The following NECAB1 variants were observed in gnomAD, a reference collection of about 807,000 sequenced individuals.
NECAB1 encodes the protein N-terminal EF-hand calcium binding protein 1, also known as N-terminal EF-hand calcium-binding protein 1.
Under a neutral mutation model 57.5 loss-of-function variants are expected in NECAB1, and 29 were observed. That is an observed-to-expected ratio of 0.50 (90% CI 0.38 to 0.69). The LOEUF is 0.69. Ranked by LOEUF, NECAB1 falls within the 30% of genes least tolerant of loss-of-function variation. The pLI is 0.00. For synonymous variants in NECAB1, 142 were observed against 147.7 expected (o/e 0.96, Z 0.28); for missense variants, 372 against 413.8 (o/e 0.90, Z 0.88).
At chr8:90,882,639 C>G (rs1371542585) in intron 5 of NECAB1, among the ~76,000 whole-genome samples, 1 of 151,968 alleles carries the variant, frequency 6.6e-6, no homozygotes, top group Admixed American at 6.6e-5. Flanking sequence ...CTTCTCTGAC[C>G]ACTCTATCTA....
chr8:90,874,195 C>G (rs1808672485), intron 4 of NECAB1, among the ~76,000 whole-genome samples: 1 of 152,024 alleles, frequency 6.6e-6, no homozygotes, highest in Non-Finnish European at 1.5e-5. Flanking sequence ...CAATTCACAC[C>G]CAGCACAAAT....
At chr8:90,862,591 T>C (rs1330312547) in intron 3 of NECAB1, among the ~76,000 whole-genome samples, 1 of 152,134 alleles carries the variant, frequency 6.6e-6, no homozygotes, top group African/African-American at 2.4e-5. Context: ...ATGCAGGCTA[T>C]TGAAGGAATA....
chr8:90,940,931 T>C, intron 10 of NECAB1, 33 bp downstream of exon 10: 1 of 1,469,146 alleles, frequency 6.8e-7, no homozygotes, highest in Non-Finnish European at 9.3e-7. Flanking sequence ...CTTAGGCCTT[T>C]GGCAGCCTGG....
In NECAB1 at chr8:90,941,101, G is replaced by A. The variant is rs114015717; in HGVS notation, c.860+203G>A. On this transcript the variant is annotated intron_variant, in intron 10 of 12. Transcript: ENST00000417640. ...CTCTTTAATCTTTAAACCCCGTGTCGTCTAATCTTTAAACCCCGTGTCGTC... is the reference window on the plus strand; with the variant it reads ...CTCTTTAATCTTTAAACCCCGTGTCATCTAATCTTTAAACCCCGTGTCGTC... 1.7e-3 allele frequency among the ~76,000 whole-genome samples: 265 copies of A among 152,280 alleles called. 1 individual carries two copies. The highest frequency in any genetic ancestry group is 6.0e-3 in the African/African-American group (251 of 41,534).
intron 8 of NECAB1, among the ~76,000 whole-genome samples, chr8:90,931,906 A>AAAAATAAAAT (rs10635579): frequency 3.3e-5 from 5 of 151,418 alleles, no homozygotes; most frequent in South Asian, 2.1e-4. Flanking sequence ...TCCATCTCAA[A>AAAAATAAAAT]AAAATAAAAT....
chr8:90,874,793 C>G (rs528076017), intron 4 of NECAB1, among the ~76,000 whole-genome samples: 1 of 152,278 alleles, frequency 6.6e-6, no homozygotes, highest in South Asian at 2.1e-4. Context: ...TATTCTCACA[C>G]TCACGTTCAA....
intron 1 of NECAB1, among the ~76,000 whole-genome samples, chr8:90,793,830 A>G (rs1247439043): frequency 6.6e-6 from 1 of 152,182 alleles, no homozygotes; most frequent in Non-Finnish European, 1.5e-5. Context: ...CACAAATGGA[A>G]AGTCATCCTC....
chr8:90,819,317 T>C (rs2129693124), intron 2 of NECAB1, among the ~76,000 whole-genome samples: 1 of 152,124 alleles, frequency 6.6e-6, no homozygotes, highest in African/African-American at 2.4e-5. Context: ...GCATGTTTTG[T>C]CTCTTCAGAC....
At chr8:90,945,533 T>TA (rs1265998025) in intron 10 of NECAB1, among the ~76,000 whole-genome samples, 1 of 152,084 alleles carries the variant, frequency 6.6e-6, no homozygotes, top group Non-Finnish European at 1.5e-5. Context: ...CGAAATAAAT[T>TA]AGTGACCCAC....
chr8:90,822,324 G>A (rs1812155966), intron 2 of NECAB1, among the ~76,000 whole-genome samples: 1 of 151,786 alleles, frequency 6.6e-6, no homozygotes, highest in African/African-American at 2.4e-5. Context: ...TTTAAAAAAT[G>A]TAATACTTTT....
intron 5 of NECAB1, among the ~76,000 whole-genome samples, chr8:90,898,529 C>T (rs1809419054): frequency 6.6e-6 from 1 of 152,174 alleles, no homozygotes; most frequent in Admixed American, 6.5e-5. Flanking sequence ...AGTAGCAGCT[C>T]CAAGTGAGTT....
At chr8:90,943,293 A>G (rs1479946229) in intron 10 of NECAB1, among the ~76,000 whole-genome samples, 1 of 152,220 alleles carries the variant, frequency 6.6e-6, no homozygotes, top group Admixed American at 6.5e-5. Flanking sequence ...ATAGATTTTC[A>G]GCCTCTCTGT....
In NECAB1 at chr8:90,925,746, A is replaced by G. The variant is rs897091585; in HGVS notation, c.616+90A>G. 2.0e-6 allele frequency: 3 copies of G among 1,503,828 alleles called. No homozygotes were observed. In the African/African-American group the frequency reaches 4.1e-5, roughly 21 times the overall value. The allele number at this position is 1,503,828 out of a possible 1,614,324, so 93.2% of individuals were successfully genotyped here. ...ATTTTAACAAACAACAGATAAGACA[A>G]TAGTAATGGAACACTTTCCTTATAC... is the stretch of plus-strand genomic sequence containing the variant. On this transcript the variant is annotated intron_variant, in intron 7 of 12. Transcript: ENST00000417640.
intron 3 of NECAB1, among the ~76,000 whole-genome samples, chr8:90,843,002 T>C (rs1458203556): frequency 6.6e-6 from 1 of 152,122 alleles, no homozygotes; most frequent in African/African-American, 2.4e-5. Context: ...GGGTAATTTA[T>C]AAAGAAAAAT....
chr8:90,883,563 G>A (rs1808896980), intron 5 of NECAB1, among the ~76,000 whole-genome samples: 2 of 152,180 alleles, frequency 1.3e-5, no homozygotes, highest in Admixed American at 6.5e-5. Flanking sequence ...GTCAGAGAAT[G>A]GATAAAATGG....
At chr8:90,792,057 G>A in intron 1 of NECAB1, 72 bp downstream of exon 1, 1 of 1,237,720 alleles carries the variant, frequency 8.1e-7, no homozygotes, top group African/African-American at 1.5e-5. Flanking sequence ...AAGGGGTTCG[G>A]CTCAGGTGCT....
chr8:90,830,821 G>A (rs757597874), intron 3 of NECAB1, among the ~76,000 whole-genome samples: 1 of 152,126 alleles, frequency 6.6e-6, no homozygotes, highest in African/African-American at 2.4e-5. Flanking sequence ...CCACAAAGCT[G>A]TGGAGAGAAT....
intron 5 of NECAB1, among the ~76,000 whole-genome samples, chr8:90,889,293 A>G (rs1345436476): frequency 1.3e-5 from 2 of 152,198 alleles, no homozygotes; most frequent in African/African-American, 4.8e-5. Flanking sequence ...GTAACAGGAA[A>G]CGAAGACAAA....
At chr8:90,856,176 G>A (rs761570742) in intron 3 of NECAB1, among the ~76,000 whole-genome samples, 1 of 152,124 alleles carries the variant, frequency 6.6e-6, no homozygotes, top group African/African-American at 2.4e-5. Context: ...TCTGTTCAAG[G>A]TAACAGTTTC....
Sources: allele counts gnomAD v4.1 joint callset (sites outside exome capture counted in the v4.1 genomes callset), GRCh38; gene constraint gnomAD v4.1.1; transcripts MANE v1.5; gene names NCBI Gene and HGNC (gene_info 2026-07-23, HGNC 2026-07-21).